Variants in DYNC1I2 observed in about 807,000 individuals in gnomAD.
DYNC1I2 encodes cytoplasmic dynein 1 intermediate chain 2.
DYNC1I2 carries 53 observed loss-of-function variants against 88.6 expected under a neutral mutation model. The observed-to-expected ratio is 0.60, with a 90% CI of 0.48 to 0.75. The LOEUF is 0.75. Ranked by LOEUF, DYNC1I2 falls within the 30% of genes least tolerant of loss-of-function variation. The pLI, the probability that DYNC1I2 is intolerant of heterozygous loss-of-function variation, is 0.00. For missense variants in DYNC1I2, 458 were observed against 766.6 expected, an observed-to-expected ratio of 0.60 and a Z score of 4.75; for synonymous variants, 198 against 254.6, an observed-to-expected ratio of 0.78 and a Z score of 2.12.
At chr2:171,697,217 C>A (rs1032360346) in intron 3 of DYNC1I2, among the ~76,000 whole-genome samples, 1 of 151,854 alleles carries the variant, frequency 6.6e-6, no homozygotes, top group African/African-American at 2.4e-5. Flanking sequence ...GATGGGGTCT[C>A]ACTATGTTGC....
At chr2:171,733,527 G>A (rs926969608) in intron 15 of DYNC1I2, among the ~76,000 whole-genome samples, 4 of 124,868 alleles carry the variant, frequency 3.2e-5, no homozygotes, top group African/African-American at 9.1e-5. Flanking sequence ...GTGTGAGATG[G>A]TATCTCATTG....
chr2:171,726,381 TAATA>T (rs1290979536), intron 10 of DYNC1I2, 88 bp downstream of exon 10: 24 of 904,176 alleles, frequency 2.7e-5, no homozygotes, highest in Non-Finnish European at 3.3e-5. Context: ...GAATTTTGTA[TAATA>T]AATCAATATG....
intron 15 of DYNC1I2, among the ~76,000 whole-genome samples, chr2:171,737,496 C>T (rs1342593263): frequency 6.6e-6 from 1 of 152,200 alleles, no homozygotes; most frequent in Admixed American, 6.5e-5. Flanking sequence ...CGGTTCATTG[C>T]AACCTCCACC....
At chr2:171,692,997 G>A (rs1353571462) in intron 3 of DYNC1I2, 103 bp downstream of exon 3, 10 of 853,386 alleles carry the variant, frequency 1.2e-5, no homozygotes, top group Non-Finnish European at 1.7e-5. Flanking sequence ...TATTTTCCTT[G>A]TGTCTCTAAA....
At chr2:171,702,500 A>G (rs1308503667) in intron 3 of DYNC1I2, among the ~76,000 whole-genome samples, 1 of 152,180 alleles carries the variant, frequency 6.6e-6, no homozygotes, top group Non-Finnish European at 1.5e-5. Context: ...CACAGTAAAA[A>G]ATCTATTTTG....
intron 2 of DYNC1I2, 48 bp downstream of exon 2, chr2:171,690,311 T>A: frequency 7.5e-7 from 1 of 1,326,468 alleles, no homozygotes; most frequent in Non-Finnish European, 1.0e-6. Flanking sequence ...GTAATTGGGT[T>A]TTATTTCACA....
At chr2:171,740,538 A>G (rs994770260) in intron 15 of DYNC1I2, among the ~76,000 whole-genome samples, 2 of 152,146 alleles carry the variant, frequency 1.3e-5, no homozygotes, top group Admixed American at 1.3e-4. Context: ...GGGTGATCAA[A>G]TGATTTTTTC....
intron 10 of DYNC1I2, 99 bp from the exon 11 acceptor site, chr2:171,726,692 T>C: frequency 7.2e-7 from 1 of 1,392,202 alleles, no homozygotes; most frequent in East Asian, 2.4e-5. Flanking sequence ...TAGGTATTTG[T>C]ATTTGCAGAA....
intron 15 of DYNC1I2, among the ~76,000 whole-genome samples, chr2:171,737,958 T>C (rs1372186553): frequency 1.3e-5 from 2 of 152,152 alleles, no homozygotes; most frequent in Admixed American, 6.5e-5. Context: ...TCTTTTATAT[T>C]ATAAATACAA....
chr2:171,741,296 C>G (rs2105772202), intron 15 of DYNC1I2, among the ~76,000 whole-genome samples: 1 of 152,218 alleles, frequency 6.6e-6, no homozygotes, highest in African/African-American at 2.4e-5. Flanking sequence ...CGGGTATATA[C>G]CTAGGAGTGG....
chr2:171,737,303 T>G (rs749885198), intron 15 of DYNC1I2, among the ~76,000 whole-genome samples: 2 of 152,198 alleles, frequency 1.3e-5, no homozygotes, highest in Non-Finnish European at 2.9e-5. Context: ...GACCTCATCT[T>G]AACTTGATTA....
At chr2:171,710,142 C>T (rs956010980) in intron 5 of DYNC1I2, among the ~76,000 whole-genome samples, 33 of 147,022 alleles carry the variant, frequency 2.2e-4, no homozygotes, top group African/African-American at 8.6e-4. Flanking sequence ...CACACACACA[C>T]ACACACACAC....
At chr2:171,739,729 C>T (rs1257087043) in intron 15 of DYNC1I2, among the ~76,000 whole-genome samples, 7 of 119,822 alleles carry the variant, frequency 5.8e-5, no homozygotes, top group Non-Finnish European at 9.9e-5. Context: ...TTTTTGAGAC[C>T]GAATCTCACT....
At chr2:171,706,636 AGGCATGCT>A (rs1416815158) in intron 4 of DYNC1I2, 72 bp downstream of exon 4, 3 of 1,412,454 alleles carry the variant, frequency 2.1e-6, no homozygotes, top group African/African-American at 1.4e-5. Context: ...AATGTCTAGA[AGGCATGCT>A]GTTTTATTGC....
intron 7 of DYNC1I2, among the ~76,000 whole-genome samples, chr2:171,723,777 C>T (rs866232251): frequency 1.1e-4 from 17 of 152,204 alleles, no homozygotes; most frequent in Middle Eastern, 3.4e-3. Flanking sequence ...GTGTTCTTTC[C>T]CCTTTGCACC....
At chr2:171,744,271 C>G in intron 16 of DYNC1I2, 82 bp downstream of exon 16, 1 of 1,402,792 alleles carries the variant, frequency 7.1e-7, no homozygotes, top group Non-Finnish European at 9.5e-7. Context: ...TCCTTTTTTT[C>G]CAAAGAATGT....
In DYNC1I2 at chr2:171,747,863, G is replaced by C. The variant is rs1190870335; in HGVS notation, c.1891G>C (p.Glu631Gln). 6.8e-6 allele frequency: 11 copies of C among 1,610,996 alleles called. No individual in the cohort carries two copies. The highest frequency in any genetic ancestry group is 3.3e-5 in the Admixed American group (2 of 59,930). Residue 631 changes from glutamate to glutamine, a missense_variant, in exon 18 of 18, where the codon GAA (glutamate) becomes CAA (glutamine). Transcript: ENST00000397119. ...INANRADAEE[E>Q]AATRIPA ...TGCAAACCGAGCTGATGCAGAGGAG[G>C]AAGCAGCTACCCGAATACCTGCTTA...
At chr2:171,707,743 T>C (rs188792237) in intron 5 of DYNC1I2, among the ~76,000 whole-genome samples, 104 of 152,302 alleles carry the variant, frequency 6.8e-4, no homozygotes, top group Non-Finnish European at 1.1e-3. Context: ...TTGTGCTTGA[T>C]TCCCCATTCA....
At chr2:171,693,727 G>A (rs1264983728) in intron 3 of DYNC1I2, among the ~76,000 whole-genome samples, 3 of 152,152 alleles carry the variant, frequency 2.0e-5, no homozygotes, top group Admixed American at 1.3e-4. Flanking sequence ...AAGATGAAAA[G>A]GCTGGCTACT....
Sources: gnomAD v4.1 joint callset for allele counts (sites outside exome capture counted in the v4.1 genomes callset) on GRCh38, gnomAD v4.1.1 for gene constraint, MANE v1.5 for transcripts, NCBI Gene and HGNC (gene_info 2026-07-23, HGNC 2026-07-21) for gene names.